Variants in CSMD1 observed in about 807,000 individuals in gnomAD.
CSMD1 encodes CUB and Sushi multiple domains 1, also known as CUB and sushi domain-containing protein 1.
A neutral mutation model predicts 417.5 loss-of-function variants in CSMD1; 213 were observed. That is an observed-to-expected ratio of 0.51 (90% CI 0.46 to 0.57). CSMD1 has a LOEUF of 0.57. Among genes scored for constraint, CSMD1 ranks in the 20% least tolerant of loss-of-function variants. CSMD1 has a pLI of 0.00. For missense variants in CSMD1, 6,923 were observed against 4,529.7 expected (o/e 1.53, Z -15.17); for synonymous variants, 2,862 against 1,736.8 (o/e 1.65, Z -16.11).
chr8:2,962,872 A>T (rs1017946291), intron 60 of CSMD1, among the ~76,000 whole-genome samples: 1 of 152,196 alleles, frequency 6.6e-6, no homozygotes, highest in African/African-American at 2.4e-5. Context: ...AACATGGCGA[A>T]ACCTATGTCT....
intron 51 of CSMD1, among the ~76,000 whole-genome samples, chr8:3,021,281 A>G (rs1209495892): frequency 6.6e-6 from 1 of 152,220 alleles, no homozygotes; most frequent in Non-Finnish European, 1.5e-5. Context: ...GAAGTAATGG[A>G]GCAAAATTTT....
intron 3 of CSMD1, among the ~76,000 whole-genome samples, chr8:4,230,005 A>G (rs552432738): frequency 3.9e-5 from 6 of 152,206 alleles, no homozygotes; most frequent in Non-Finnish European, 7.3e-5. Flanking sequence ...TAATAAATGC[A>G]TATGATTTTG....
chr8:4,210,789 G>C (rs1800260190), intron 3 of CSMD1, among the ~76,000 whole-genome samples: 1 of 152,076 alleles, frequency 6.6e-6, no homozygotes, highest in African/African-American at 2.4e-5. Context: ...GTAAATACGA[G>C]CATATCTACA....
In CSMD1 at chr8:2,935,819, T is replaced by C. The variant is rs1217116565; in HGVS notation, c.*2766A>G. On this transcript the variant is annotated 3_prime_UTR_variant, in exon 70 of 70. Transcript: ENST00000635120. ...TTTTATAATAGCTTTTTGTTGTTGT[T>C]TACAAAATATTTTACAGAAGAAAAA... The C allele has an allele frequency of 6.6e-6, 1 of 152,184 alleles. No homozygotes were observed. Among genetic ancestry groups the C allele is most frequent in the African/African-American group, 2.4e-5 (1 of 41,424 alleles). The allele number at this position is 152,184 out of a possible 1,614,324, so 9.4% of individuals were successfully genotyped here. A position where few individuals can be genotyped will look rare whatever the true frequency, so the allele number is the denominator to read the frequency against.
intron 2 of CSMD1, among the ~76,000 whole-genome samples, chr8:4,448,228 T>C (rs898440525): frequency 1.3e-5 from 2 of 152,222 alleles, no homozygotes; most frequent in African/African-American, 4.8e-5. Flanking sequence ...TTCATCTTTA[T>C]TCAGGTGAAG....
At chr8:4,149,432 T>G (rs1205512475) in intron 3 of CSMD1, among the ~76,000 whole-genome samples, 1 of 152,200 alleles carries the variant, frequency 6.6e-6, no homozygotes, top group Non-Finnish European at 1.5e-5. Flanking sequence ...TTGAACGGTA[T>G]TTCTACATAA....
intron 20 of CSMD1, among the ~76,000 whole-genome samples, chr8:3,360,781 GTTCA>G (rs1332415835): frequency 2.0e-5 from 3 of 151,240 alleles, no homozygotes; most frequent in Admixed American, 6.6e-5. Context: ...GGAATTTTAG[GTTCA>G]TTATTTTCAC....
chr8:3,983,554 G>C (rs1211003117), intron 5 of CSMD1, among the ~76,000 whole-genome samples: 3 of 152,162 alleles, frequency 2.0e-5, no homozygotes, highest in Admixed American at 1.3e-4. Flanking sequence ...CCGTGGAGAA[G>C]GACAGCCCCA....
chr8:4,166,939 G>A (rs189694665), intron 3 of CSMD1, among the ~76,000 whole-genome samples: 38 of 152,288 alleles, frequency 2.5e-4, no homozygotes, highest in African/African-American at 7.9e-4. Context: ...TGGGGTCAGT[G>A]GCCACCATGT....
intron 55 of CSMD1, among the ~76,000 whole-genome samples, chr8:2,976,105 G>T (rs1474622633): frequency 6.6e-6 from 1 of 152,158 alleles, no homozygotes; most frequent in South Asian, 2.1e-4. Flanking sequence ...ATAAGGCTGA[G>T]AATTTTTTTG....
chr8:4,103,345 GTTGGTT>G (rs963117245), intron 3 of CSMD1, among the ~76,000 whole-genome samples: 10 of 151,360 alleles, frequency 6.6e-5, no homozygotes, highest in Non-Finnish European at 1.2e-4. Flanking sequence ...GTAGAAAAAA[GTTGGTT>G]TTGAATTCCA....
At chr8:3,293,156 C>G (rs746636437) in intron 25 of CSMD1, among the ~76,000 whole-genome samples, 2 of 152,136 alleles carry the variant, frequency 1.3e-5, no homozygotes, top group African/African-American at 4.8e-5. Flanking sequence ...ATATTGCCCC[C>G]ACTCTCTTCT....
chr8:3,852,479 G>A (rs1803982247), intron 5 of CSMD1, among the ~76,000 whole-genome samples: 1 of 152,196 alleles, frequency 6.6e-6, no homozygotes, highest in African/African-American at 2.4e-5. Context: ...CAGAGAATAA[G>A]CTGGGATATA....
intron 5 of CSMD1, among the ~76,000 whole-genome samples, chr8:3,967,934 G>T (rs1422100849): frequency 4.0e-5 from 6 of 150,578 alleles, no homozygotes; most frequent in Admixed American, 3.3e-4. Context: ...TTGGGAGGCC[G>T]AGGTGTGCGG....
chr8:4,499,676 T>C (rs530027566), intron 2 of CSMD1, among the ~76,000 whole-genome samples: 40 of 152,352 alleles, frequency 2.6e-4, no homozygotes, highest in African/African-American at 8.9e-4. Context: ...TATCAGATTT[T>C]AGTGAATAAC....
chr8:3,449,170 T>A (rs1815521574), intron 12 of CSMD1, among the ~76,000 whole-genome samples: 1 of 152,224 alleles, frequency 6.6e-6, no homozygotes. Context: ...TGAAATTAGT[T>A]GGTGGGGGGA....
At chr8:4,506,467 G>C (rs1343904276) in intron 2 of CSMD1, among the ~76,000 whole-genome samples, 1 of 152,114 alleles carries the variant, frequency 6.6e-6, no homozygotes, top group Non-Finnish European at 1.5e-5. Context: ...CCTATGCTAA[G>C]GGATCTGCAG....
chr8:4,888,574 A>T (rs1803905780), intron 1 of CSMD1, among the ~76,000 whole-genome samples: 1 of 151,822 alleles, frequency 6.6e-6, no homozygotes, highest in Admixed American at 6.6e-5. Flanking sequence ...CTGTACCCTA[A>T]CTCTATCTGC....
chr8:3,172,772 G>A (rs1223196858), intron 37 of CSMD1, among the ~76,000 whole-genome samples: 1 of 152,178 alleles, frequency 6.6e-6, no homozygotes, highest in Admixed American at 6.5e-5. Context: ...CTCCCATGAG[G>A]CACAAGGGCA....
Sources: gnomAD v4.1 joint callset for allele counts (sites outside exome capture counted in the v4.1 genomes callset) on GRCh38, gnomAD v4.1.1 for gene constraint, MANE v1.5 for transcripts, NCBI Gene and HGNC (gene_info 2026-07-23, HGNC 2026-07-21) for gene names.